Variants in SGCD observed in about 807,000 individuals in gnomAD.
SGCD encodes the protein delta-sarcoglycan.
SGCD carries 18 observed loss-of-function variants against 36.6 expected under a neutral mutation model. The ratio of observed to expected loss-of-function variants is 0.49; its 90% CI spans 0.34 to 0.73. The LOEUF is 0.73. Among genes scored for constraint, SGCD ranks in the 30% least tolerant of loss-of-function variants. SGCD has a pLI of 0.01. For synonymous variants in SGCD, 133 were observed against 130.6 expected, an observed-to-expected ratio of 1.02 and a Z score of -0.12; for missense variants, 387 against 346.7, an observed-to-expected ratio of 1.12 and a Z score of -0.92.
intron 6 of SGCD, among the ~76,000 whole-genome samples, chr5:156,628,929 A>G (rs974273736): frequency 6.6e-6 from 1 of 152,238 alleles, no homozygotes; most frequent in African/African-American, 2.4e-5. Context: ...TGCAATGAAG[A>G]TATCAACACT....
At chr5:156,377,343 C>T (rs1044757435) in intron 3 of SGCD, among the ~76,000 whole-genome samples, 1 of 152,124 alleles carries the variant, frequency 6.6e-6, no homozygotes. Context: ...ACTCCCATCG[C>T]ATTATAAAAT....
At chr5:156,223,006 C>G (rs1764757052) in intron 3 of SGCD, among the ~76,000 whole-genome samples, 1 of 152,102 alleles carries the variant, frequency 6.6e-6, no homozygotes, top group Admixed American at 6.6e-5. Context: ...ACCCAACAAC[C>G]ATACATACTA....
At chr5:156,025,856 C>G (rs1759216788) in intron 1 of SGCD, among the ~76,000 whole-genome samples, 1 of 152,174 alleles carries the variant, frequency 6.6e-6, no homozygotes, top group Non-Finnish European at 1.5e-5. Context: ...GAAAGAATTG[C>G]CATCTGGTGG....
chr5:156,083,190 C>A (rs748433780), intron 1 of SGCD, among the ~76,000 whole-genome samples: 1 of 151,868 alleles, frequency 6.6e-6, no homozygotes, highest in Non-Finnish European at 1.5e-5. Context: ...TTGTTGTTTG[C>A]AAATATTTTC....
At chr5:156,217,064 T>C (rs1019694871) in intron 3 of SGCD, among the ~76,000 whole-genome samples, 7 of 151,654 alleles carry the variant, frequency 4.6e-5, no homozygotes, top group Non-Finnish European at 1.0e-4. Context: ...GGGGACAGAG[T>C]GAGACTCCAT....
At chr5:155,949,228 A>G (rs1049426653) in intron 1 of SGCD, among the ~76,000 whole-genome samples, 2 of 152,202 alleles carry the variant, frequency 1.3e-5, no homozygotes, top group Non-Finnish European at 2.9e-5. Flanking sequence ...ATGCCTTTGT[A>G]AACTCTCCAA....
At chr5:156,451,845 G>C (rs1458758130) in intron 3 of SGCD, among the ~76,000 whole-genome samples, 2 of 152,154 alleles carry the variant, frequency 1.3e-5, no homozygotes, top group Non-Finnish European at 2.9e-5. Flanking sequence ...ATTTCTACCT[G>C]GTTCCATGTT....
chr5:156,097,984 G>A (rs1761421561), intron 1 of SGCD, among the ~76,000 whole-genome samples: 1 of 152,138 alleles, frequency 6.6e-6, no homozygotes, highest in African/African-American at 2.4e-5. Flanking sequence ...ATTCTCACTT[G>A]CCCCAGCTTA....
chr5:155,836,877 T>A, the SGCD span, among the ~76,000 whole-genome samples: 1 of 152,160 alleles, frequency 6.6e-6, no homozygotes, highest in African/African-American at 2.4e-5. Flanking sequence ...TAGTGTGACA[T>A]CTTTATCTTA....
At chr5:155,877,157 G>A (rs1755783984) in intron 1 of SGCD, among the ~76,000 whole-genome samples, 1 of 152,114 alleles carries the variant, frequency 6.6e-6, no homozygotes, top group Non-Finnish European at 1.5e-5. Flanking sequence ...GAAGAGGGTG[G>A]TAGCTGTTTG....
At chr5:156,024,176 A>G (rs1759172924) in intron 1 of SGCD, among the ~76,000 whole-genome samples, 1 of 152,164 alleles carries the variant, frequency 6.6e-6, no homozygotes, top group Non-Finnish European at 1.5e-5. Flanking sequence ...ATGGATATCT[A>G]TCGACACAGG....
intron 1 of SGCD, among the ~76,000 whole-genome samples, chr5:155,917,780 C>T (rs1200114839): frequency 6.6e-6 from 1 of 152,144 alleles, no homozygotes; most frequent in Non-Finnish European, 1.5e-5. Flanking sequence ...AGCTTTAAAT[C>T]TTCTGTTCCC....
chr5:155,734,078 TATTATATA>T, the SGCD span, among the ~76,000 whole-genome samples: 1 of 147,080 alleles, frequency 6.8e-6, no homozygotes, highest in East Asian at 1.9e-4. Flanking sequence ...ATTATATTAT[TATTATATA>T]ATATAATAAT....
intron 4 of SGCD, among the ~76,000 whole-genome samples, chr5:156,577,731 G>A (rs1315198783): frequency 1.3e-5 from 2 of 152,164 alleles, no homozygotes; most frequent in Non-Finnish European, 2.9e-5. Context: ...TATTATTGGT[G>A]TATAGGAATG....
At chr5:156,095,827 A>G (rs548703003) in intron 1 of SGCD, among the ~76,000 whole-genome samples, 1 of 152,198 alleles carries the variant, frequency 6.6e-6, no homozygotes, top group Non-Finnish European at 1.5e-5. Context: ...CTGAGTCCTA[A>G]TGGAACAAAG....
chr5:156,239,855 G>A (rs900684417), intron 3 of SGCD, among the ~76,000 whole-genome samples: 2 of 152,112 alleles, frequency 1.3e-5, no homozygotes, highest in Non-Finnish European at 1.5e-5. Context: ...TAAACTGTTA[G>A]GGAAACAAAA....
intron 1 of SGCD, among the ~76,000 whole-genome samples, chr5:156,082,286 G>T (rs1408358296): frequency 7.3e-6 from 1 of 136,166 alleles, no homozygotes; most frequent in African/African-American, 2.8e-5. Context: ...GGTCCAGGGG[G>T]TGGGGGTAGT....
chr5:156,606,567 T>G (rs1581243932), intron 6 of SGCD, among the ~76,000 whole-genome samples: 1 of 152,344 alleles, frequency 6.6e-6, no homozygotes, highest in African/African-American at 2.4e-5. Flanking sequence ...AAGTAGTTTT[T>G]TTCCAATTCT....
At chr5:156,423,322 ATATTT>A (rs1343199459) in intron 3 of SGCD, among the ~76,000 whole-genome samples, 1 of 56,320 alleles carries the variant, frequency 1.8e-5, no homozygotes. Context: ...ATAATATAAT[ATATTT>A]TATTATAATA....
Sources: allele counts gnomAD v4.1 joint callset (sites outside exome capture counted in the v4.1 genomes callset), GRCh38; gene constraint gnomAD v4.1.1; transcripts MANE v1.5; gene names NCBI Gene and HGNC (gene_info 2026-07-23, HGNC 2026-07-21).